The following PARVB variants were observed in gnomAD, a reference collection of about 807,000 sequenced individuals.
PARVB encodes beta-parvin.
PARVB carries 46 observed loss-of-function variants against 47.0 expected under a neutral mutation model. That is an observed-to-expected ratio of 0.98 (90% CI 0.77 to 1.25). PARVB has a LOEUF of 1.25. Among genes scored for constraint, PARVB ranks in the 50% most tolerant of loss-of-function variants. The probability of loss-of-function intolerance (pLI) is 0.00; values close to 1 mark genes in which losing one functional copy is unlikely to be tolerated. For synonymous variants in PARVB, 196 were observed against 196.3 expected (o/e 1.00, Z 0.01); for missense variants, 473 against 471.6 (o/e 1.00, Z -0.03).
intron 4 of PARVB, among the ~76,000 whole-genome samples, chr22:44,128,937 G>T (rs1569139089): frequency 6.6e-6 from 1 of 152,184 alleles, no homozygotes; most frequent in Admixed American, 6.5e-5. Flanking sequence ...AATTACCTGG[G>T]CGTGGTGGCA....
chr22:44,131,176 A>G (rs936437106), intron 4 of PARVB, among the ~76,000 whole-genome samples: 2 of 144,574 alleles, frequency 1.4e-5, no homozygotes, highest in African/African-American at 5.2e-5. Flanking sequence ...GGTCTCACTC[A>G]GGTTGCCCAG....
At chr22:44,023,125 C>T (rs909811790), upstream of PARVB, among the ~76,000 whole-genome samples, 2 of 152,136 alleles carry the variant, frequency 1.3e-5, no homozygotes, top group African/African-American at 2.4e-5. Flanking sequence ...CCTAAGTCAC[C>T]GTCCGCCTGC....
At chr22:44,061,940 G>T (rs2051428163) in intron 1 of PARVB, among the ~76,000 whole-genome samples, 1 of 152,164 alleles carries the variant, frequency 6.6e-6, no homozygotes, top group East Asian at 1.9e-4. Flanking sequence ...CTGTGTGCAG[G>T]TCTGTGAATG....
At chr22:44,146,143 GCA>G (rs1326664355) in intron 8 of PARVB, 3 of 139,952 alleles carry the variant, frequency 2.1e-5, no homozygotes, top group South Asian at 2.5e-4. Context: ...GCTCACACAT[GCA>G]CACACGTGCT....
intron 1 of PARVB, 103 bp from the exon 2 acceptor site, chr22:44,093,825 T>A (rs960310469): frequency 4.2e-6 from 3 of 707,596 alleles, no homozygotes; most frequent in Non-Finnish European, 7.4e-6. Context: ...TGTTAAATGC[T>A]GAAAAAAACA....
At chr22:44,069,105 C>G (rs537272848) in intron 1 of PARVB, 7 of 1,611,408 alleles carry the variant, frequency 4.3e-6, no homozygotes, top group Admixed American at 1.7e-5. Flanking sequence ...GCCTGCCCTC[C>G]GACGTCCGCC....
intron 12 of PARVB, among the ~76,000 whole-genome samples, chr22:44,167,650 A>T (rs944973544): frequency 6.6e-6 from 1 of 151,022 alleles, no homozygotes; most frequent in Non-Finnish European, 1.5e-5. Context: ...GCTGGGGTGG[A>T]CTCTTCAGGT....
chr22:44,110,215 G>GAACAAA (rs1208072025), intron 3 of PARVB: 2 of 151,706 alleles, frequency 1.3e-5, no homozygotes, highest in Non-Finnish European at 2.9e-5. Flanking sequence ...CTTGAGATAT[G>GAACAAA]GCATTGAACA....
intron 1 of PARVB, among the ~76,000 whole-genome samples, chr22:44,074,189 A>G (rs966768041): frequency 1.9e-4 from 29 of 152,210 alleles, no homozygotes; most frequent in Admixed American, 1.6e-3. Flanking sequence ...AGGCTGGCCA[A>G]GGCTCCCAGC....
chr22:44,131,933 T>C (rs747454776), intron 5 of PARVB, among the ~76,000 whole-genome samples: 1 of 152,144 alleles, frequency 6.6e-6, no homozygotes, highest in Non-Finnish European at 1.5e-5. Context: ...GAAGCAGCCT[T>C]GGGGGGTTCT....
chr22:44,148,004 G>T, intron 9 of PARVB, 82 bp downstream of exon 9: 2 of 1,050,846 alleles, frequency 1.9e-6, no homozygotes, highest in Non-Finnish European at 2.9e-6. Flanking sequence ...TGGGAAGAAG[G>T]TGGGAAAATG....
At chr22:44,010,928 G>C (rs887578673) in intron 2 of PARVB, among the ~76,000 whole-genome samples, 6 of 127,670 alleles carry the variant, frequency 4.7e-5, no homozygotes, top group Non-Finnish European at 9.4e-5. Flanking sequence ...GTCTCGCTCT[G>C]TCGCCCAGGC....
At chr22:44,130,141 GGACTT>G (rs1306822421) in intron 4 of PARVB, among the ~76,000 whole-genome samples, 1 of 152,208 alleles carries the variant, frequency 6.6e-6, no homozygotes, top group African/African-American at 2.4e-5. Context: ...TGACTGGCCT[GGACTT>G]GATTGCTTTC....
intron 9 of PARVB, chr22:44,150,526 C>G (rs887773775): frequency 5.9e-5 from 9 of 151,734 alleles, no homozygotes; most frequent in African/African-American, 2.2e-4. Context: ...ACAAAATTAG[C>G]CGGGCTTGGT....
At chr22:44,042,849 T>TAGAAG (rs1466018106) in intron 1 of PARVB, among the ~76,000 whole-genome samples, 1 of 152,214 alleles carries the variant, frequency 6.6e-6, no homozygotes, top group Non-Finnish European at 1.5e-5. Flanking sequence ...TTTTCTTGTG[T>TAGAAG]AGAAGATCTG....
chr22:44,040,619 C>T (rs900856381), intron 1 of PARVB, among the ~76,000 whole-genome samples: 2 of 152,162 alleles, frequency 1.3e-5, no homozygotes, highest in African/African-American at 2.4e-5. Context: ...AATTGATTTC[C>T]TCCTGGAGCT....
intron 11 of PARVB, among the ~76,000 whole-genome samples, chr22:44,163,289 G>A (rs111647277): frequency 0.042 from 6,342 of 152,102 alleles, 469 homozygotes; most frequent in African/African-American, 0.15. Context: ...GACCAACATG[G>A]CAAAACCCGT....
At chr22:44,043,784 G>A (rs2051064255) in intron 1 of PARVB, among the ~76,000 whole-genome samples, 1 of 152,224 alleles carries the variant, frequency 6.6e-6, no homozygotes, top group Non-Finnish European at 1.5e-5. Context: ...GAGCTTGTGA[G>A]ATGTTTTTCT....
intron 10 of PARVB, among the ~76,000 whole-genome samples, chr22:44,157,420 A>G (rs1181515063): frequency 6.6e-6 from 1 of 152,190 alleles, no homozygotes; most frequent in Non-Finnish European, 1.5e-5. Context: ...TCAGCTCCAA[A>G]CACTCATCAT....
Sources: gnomAD v4.1 joint callset for allele counts (sites outside exome capture counted in the v4.1 genomes callset) on GRCh38, gnomAD v4.1.1 for gene constraint, MANE v1.5 for transcripts, NCBI Gene and HGNC (gene_info 2026-07-23, HGNC 2026-07-21) for gene names.